LEO1: variants seen among roughly 807,000 people sequenced by gnomAD.
LEO1 encodes the protein LEO1 component of Paf1/RNA polymerase II complex.
In LEO1, 34 loss-of-function variants were observed where a neutral mutation model predicts 80.4. The observed-to-expected ratio is 0.42, with a 90% CI of 0.32 to 0.56. The LOEUF is 0.56. Ranked by LOEUF, LEO1 falls within the 20% of genes least tolerant of loss-of-function variation. The pLI is 0.10. For missense variants in LEO1, 631 were observed against 814.2 expected, an observed-to-expected ratio of 0.77 and a Z score of 2.74; for synonymous variants, 262 against 274.9, an observed-to-expected ratio of 0.95 and a Z score of 0.46.
At chr15:51,954,439 C>T (rs758609366) in intron 7 of LEO1, 42 bp downstream of exon 7, 23 of 1,196,828 alleles carry the variant, frequency 1.9e-5, no homozygotes, top group African/African-American at 4.5e-5. Flanking sequence ...CCCTCTGACC[C>T]GTTCTGGGTA....
intron 9 of LEO1, among the ~76,000 whole-genome samples, chr15:51,951,362 T>C (rs2056947492): frequency 1.3e-5 from 2 of 152,246 alleles, no homozygotes; most frequent in African/African-American, 4.8e-5. Flanking sequence ...AATTAACAGC[T>C]GGGTCAAATT....
At chr15:51,951,734 T>C (rs2056950589) in intron 9 of LEO1, 110 bp downstream of exon 9, 1 of 905,712 alleles carries the variant, frequency 1.1e-6, no homozygotes, top group African/African-American at 1.7e-5. Flanking sequence ...TTCATGTCAG[T>C]TGGAAGAGGA....
chr15:51,946,392 C>T (rs1336640977), intron 11 of LEO1, among the ~76,000 whole-genome samples: 1 of 152,008 alleles, frequency 6.6e-6, no homozygotes, highest in East Asian at 1.9e-4. Flanking sequence ...TACGAGGTTT[C>T]TCCATGTTGG....
chr15:51,951,808 G>T (rs140074983), intron 9 of LEO1, 36 bp downstream of exon 9: 1 of 1,583,954 alleles, frequency 6.3e-7, no homozygotes, highest in Admixed American at 1.7e-5. Flanking sequence ...ATATACCAAA[G>T]AATCCCAGGA....
chr15:51,962,354 T>C (rs1475151197), intron 3 of LEO1, 35 bp downstream of exon 3: 1 of 1,349,270 alleles, frequency 7.4e-7, no homozygotes, highest in Non-Finnish European at 1.0e-6. Flanking sequence ...GAAAGAGGTA[T>C]GGAAATATAC....
At chr15:51,957,336 AC>A (rs2056997437) in intron 6 of LEO1, among the ~76,000 whole-genome samples, 1 of 152,316 alleles carries the variant, frequency 6.6e-6, no homozygotes, top group African/African-American at 2.4e-5. Flanking sequence ...AGCCAGAGGC[AC>A]TAAAACAACC....
Position 51,960,709 on chromosome 15 carries a change from A to G in LEO1, c.944T>C (p.Phe315Ser), listed in dbSNP as rs1343297215. 6.2e-7 allele frequency: 1 copy of G among 1,609,254 alleles called. No homozygotes were observed. The highest frequency in any genetic ancestry group is 8.5e-7 in the Non-Finnish European group (1 of 1,175,658). Residue 315 changes from phenylalanine (F) to serine (S), a missense_variant, in exon 4 of 12, where the codon TTT (phenylalanine) becomes TCT (serine). By Grantham distance (155) the Phe-to-Ser change is radical (BLOSUM62 -2). Coordinates refer to ENST00000299601, the MANE Select transcript of LEO1 (RefSeq NM_138792.4). ...PKDNSGTMDLFGGADDISSGS... is the reference protein window; with the variant it reads ...PKDNSGTMDLSGGADDISSGS... ...TGAAGAGATATCATCTGCACCTCCAAATAAATCCATGGTTCCACTATTATC... is the reference window on the plus strand; with the variant it reads ...TGAAGAGATATCATCTGCACCTCCAGATAAATCCATGGTTCCACTATTATC...
At position 51,957,875 on chromosome 15, in the gene LEO1, G is replaced by C. The variant is rs576628063; in HGVS notation, c.1245+867C>G. On this transcript the variant is annotated intron_variant, in intron 6 of 11. Coordinates refer to ENST00000299601, the MANE Select transcript of LEO1 (RefSeq NM_138792.4). ...GTCTCTACTAAAAATACAAAAATTAGCTGGGCATGGTGGTGCATGCCTGTA... is the reference window on the plus strand; with the variant it reads ...GTCTCTACTAAAAATACAAAAATTACCTGGGCATGGTGGTGCATGCCTGTA... 7.9e-5 allele frequency among the ~76,000 whole-genome samples: 12 copies of C among 152,160 alleles called. No homozygotes were observed. In the South Asian group the frequency reaches 2.1e-3, roughly 26 times the overall value.
intron 7 of LEO1, among the ~76,000 whole-genome samples, chr15:51,953,965 G>C (rs1271983990): frequency 6.7e-6 from 1 of 149,682 alleles, no homozygotes; most frequent in African/African-American, 2.5e-5. Flanking sequence ...ACGGCATCTA[G>C]TTCTGTTGCC....
intron 11 of LEO1, among the ~76,000 whole-genome samples, chr15:51,943,707 A>G (rs545240741): frequency 3.3e-5 from 5 of 151,948 alleles, no homozygotes; most frequent in East Asian, 1.9e-4. Flanking sequence ...CTCAAAAAAA[A>G]AAAGAAAGAA....
intron 2 of LEO1, 62 bp downstream of exon 2, chr15:51,965,687 T>G: frequency 6.6e-7 from 1 of 1,524,550 alleles, no homozygotes; most frequent in Non-Finnish European, 8.8e-7. Flanking sequence ...AAAGACTAAA[T>G]GGGTCCCTGC....
chr15:51,947,006 G>A lies in LEO1; in HGVS notation c.1896+286C>T, dbSNP rs571165324. 5.7e-5 allele frequency: 21 copies of A among 365,824 alleles called. 2 individuals are homozygous for A. Among genetic ancestry groups the A allele is most frequent in the South Asian group, 5.4e-4 (18 of 33,124 alleles). 22.7% of individuals were successfully genotyped at this position (365,824 alleles called of 1,614,324 possible). ...TTCTTCCAGGCCTTTCCATCTATCC[G>A]GAGTGACCTACCAGAGACAGGACAG... On this transcript the variant is annotated intron_variant, in intron 11 of 11. Coordinates refer to ENST00000299601, the MANE Select transcript of LEO1 (RefSeq NM_138792.4).
At chr15:51,939,986 TG>T (rs1325917944) in intron 11 of LEO1, among the ~76,000 whole-genome samples, 14 of 152,172 alleles carry the variant, frequency 9.2e-5, no homozygotes, top group African/African-American at 3.4e-4. Context: ...CCGGGCGCGA[TG>T]GCTCACGCCT....
intron 1 of LEO1, among the ~76,000 whole-genome samples, chr15:51,970,713 G>A (rs2057116303): frequency 6.6e-6 from 1 of 152,168 alleles, no homozygotes; most frequent in Non-Finnish European, 1.5e-5. Context: ...TATGAACAGT[G>A]TTTTATTTGG....
rs1471493535 is a variant in LEO1 at position 51,938,240 on chromosome 15, C to T, written c.1917G>A (p.Lys639=). ...TSDEEGEPSG[K]RKAEDDDKAN... is the part of the protein sequence containing the mutation. ...CTTTATCATCATCTTCTGCTTTTCT[C>T]TTTCCGGAAGGTTCACCTTCCTAAA... is the stretch of plus-strand genomic sequence containing the variant. The change falls in exon 12 of 12, where the codon AAG becomes AAA. Residue 639 remains lysine, a synonymous_variant. Transcript: ENST00000299601. 6.2e-7 allele frequency: 1 copy of T among 1,605,218 alleles called. No individual in the cohort carries two copies. Among genetic ancestry groups the T allele is most frequent in the South Asian group, 1.1e-5 (1 of 90,372 alleles).
At chr15:51,958,666 A>C in intron 6 of LEO1, 76 bp downstream of exon 6, 1 of 890,204 alleles carries the variant, frequency 1.1e-6, no homozygotes, top group Non-Finnish European at 1.8e-6. Flanking sequence ...ATCACTTTCA[A>C]AAGCTCAAGT....
intron 11 of LEO1, among the ~76,000 whole-genome samples, chr15:51,939,753 C>A (rs1377565035): frequency 6.6e-6 from 1 of 152,220 alleles, no homozygotes; most frequent in African/African-American, 2.4e-5. Context: ...GTGTGTTTGT[C>A]TTTTCAGCTC....
intron 2 of LEO1, among the ~76,000 whole-genome samples, chr15:51,965,135 C>T (rs190618373): frequency 1.3e-4 from 20 of 152,292 alleles, no homozygotes; most frequent in African/African-American, 3.6e-4. Context: ...TTGCCATCCA[C>T]GCTAGATTTG....
chr15:51,959,959 G>A lies in LEO1; in HGVS notation c.1100C>T (p.Thr367Ile), dbSNP rs754234479. The change falls in exon 5 of 12, where the codon ACT becomes ATT. Residue 367 changes from threonine (T) to isoleucine (I), a missense_variant. By Grantham distance (89) the Thr-to-Ile change is moderately conservative. Transcript: ENST00000299601. ...RIEVEIPKVNTDLGNDLYFVK... is the reference protein window; with the variant it reads ...RIEVEIPKVNIDLGNDLYFVK... Reference sequence around the variant, plus strand: ...AAAATATAAGTCGTTTCCTAAATCAGTGTTTACTTTGGGTATTTCTACTTC... The same window carrying A: ...AAAATATAAGTCGTTTCCTAAATCAATGTTTACTTTGGGTATTTCTACTTC... 6.2e-7 allele frequency: 1 copy of A among 1,613,114 alleles called. No homozygotes were observed. The highest frequency in any genetic ancestry group is 1.1e-5 in the South Asian group (1 of 90,976).
Sources: gnomAD v4.1 joint callset for allele counts (sites outside exome capture counted in the v4.1 genomes callset) on GRCh38, gnomAD v4.1.1 for gene constraint, MANE v1.5 for transcripts, NCBI Gene and HGNC (gene_info 2026-07-23, HGNC 2026-07-21) for gene names.